The following LIN7A variants were observed in gnomAD, a reference collection of about 807,000 sequenced individuals.
The protein encoded by LIN7A is protein lin-7 homolog A.
In LIN7A, 25 loss-of-function variants were observed where a neutral mutation model predicts 29.8. The ratio of observed to expected loss-of-function variants is 0.84; its 90% CI spans 0.61 to 1.17. LIN7A has a LOEUF of 1.17. LIN7A is among the 50% of genes most tolerant of loss of function. The pLI, the probability that LIN7A is intolerant of heterozygous loss-of-function variation, is 0.00. For synonymous variants in LIN7A, 118 were observed against 107.5 expected, an observed-to-expected ratio of 1.10 and a Z score of -0.60; for missense variants, 239 against 287.0, an observed-to-expected ratio of 0.83 and a Z score of 1.21.
chr12:80,814,086 T>C (rs1871420758), intron 4 of LIN7A, among the ~76,000 whole-genome samples: 1 of 152,188 alleles, frequency 6.6e-6, no homozygotes, highest in African/African-American at 2.4e-5. Flanking sequence ...CCTTGAATTA[T>C]ACCTTCAGAT....
intron 1 of LIN7A, among the ~76,000 whole-genome samples, chr12:80,894,968 G>C (rs1228009892): frequency 6.6e-6 from 1 of 152,182 alleles, no homozygotes; most frequent in South Asian, 2.1e-4. Context: ...TCCAAAACCA[G>C]CTGTGTTTGA....
intron 1 of LIN7A, among the ~76,000 whole-genome samples, chr12:80,909,123 C>A (rs1045713410): frequency 3.3e-5 from 5 of 151,586 alleles, no homozygotes; most frequent in African/African-American, 1.2e-4. Context: ...CATTTTTGGC[C>A]CATTTTGAGT....
chr12:80,880,356 T>C (rs1207934759), intron 2 of LIN7A, among the ~76,000 whole-genome samples: 1 of 152,146 alleles, frequency 6.6e-6, no homozygotes, highest in Non-Finnish European at 1.5e-5. Flanking sequence ...ACTTAAAAAA[T>C]AGATAAAATG....
At chr12:80,923,487 C>T (rs1877422493) in intron 1 of LIN7A, among the ~76,000 whole-genome samples, 1 of 152,190 alleles carries the variant, frequency 6.6e-6, no homozygotes, top group South Asian at 2.1e-4. Flanking sequence ...TATTAATAAG[C>T]ACAATCATTT....
intron 4 of LIN7A, among the ~76,000 whole-genome samples, chr12:80,812,177 A>G (rs1383277688): frequency 6.6e-5 from 10 of 152,272 alleles, no homozygotes; most frequent in Non-Finnish European, 1.0e-4. Context: ...AGCTTTATTT[A>G]TTATTAATGT....
intron 4 of LIN7A, among the ~76,000 whole-genome samples, chr12:80,832,959 A>G (rs373652681): frequency 5.3e-5 from 8 of 152,132 alleles, no homozygotes; most frequent in East Asian, 1.9e-4. Flanking sequence ...ACATTCTACA[A>G]TGCACAGAAT....
At chr12:80,861,247 AT>A in intron 2 of LIN7A, 1 of 152,352 alleles carries the variant, frequency 6.6e-6, no homozygotes, top group Non-Finnish European at 1.5e-5. Flanking sequence ...CTGCCTCTTC[AT>A]TTTGTTCCCG....
chr12:80,863,617 A>C (rs1177367302), intron 2 of LIN7A, among the ~76,000 whole-genome samples: 1 of 152,272 alleles, frequency 6.6e-6, no homozygotes, highest in Non-Finnish European at 1.5e-5. Flanking sequence ...AAGAAGACTC[A>C]TAATGACCTC....
intron 1 of LIN7A, among the ~76,000 whole-genome samples, chr12:80,898,866 A>G (rs1473240269): frequency 6.6e-6 from 1 of 152,220 alleles, no homozygotes; most frequent in Admixed American, 6.5e-5. Context: ...GTTGTTTATC[A>G]GATCAAAGAG....
At chr12:80,888,519 A>G (rs945435642) in intron 2 of LIN7A, among the ~76,000 whole-genome samples, 7 of 152,152 alleles carry the variant, frequency 4.6e-5, no homozygotes, top group Admixed American at 3.3e-4. Flanking sequence ...TTCATCACTG[A>G]GGATTTTGGC....
Position 80,889,250 on chromosome 12 carries a change from C to G in LIN7A, c.201+1G>C. On this transcript the variant is annotated splice_donor_variant, in intron 2 of 5. Coordinates refer to ENST00000552864, the MANE Select transcript of LIN7A (RefSeq NM_004664.4). LOFTEE classifies it high-confidence loss of function. ...TAGTTATTAAAATTTTAGTGCCATA[C>G]CTCTCGAATAGCTGTACAAAACTCA... The G allele has an allele frequency of 6.4e-7, 1 of 1,551,904 alleles. No individual in the cohort carries two copies. The highest frequency in any genetic ancestry group is 8.9e-7 in the Non-Finnish European group (1 of 1,123,806).
At chr12:80,831,024 T>C (rs2121527437) in intron 4 of LIN7A, among the ~76,000 whole-genome samples, 1 of 152,340 alleles carries the variant, frequency 6.6e-6, no homozygotes, top group East Asian at 1.9e-4. Flanking sequence ...CTTATTTATT[T>C]TGTTTATTGC....
intron 1 of LIN7A, among the ~76,000 whole-genome samples, chr12:80,899,200 A>AT (rs1876068148): frequency 6.6e-6 from 1 of 152,064 alleles, no homozygotes; most frequent in Non-Finnish European, 1.5e-5. Context: ...GTGATGTTTA[A>AT]TTTTATCAAA....
chr12:80,840,108 G>C (rs1016738145), intron 4 of LIN7A, among the ~76,000 whole-genome samples: 1 of 151,730 alleles, frequency 6.6e-6, no homozygotes, highest in African/African-American at 2.4e-5. Flanking sequence ...TCTCCCATCA[G>C]TACCAGTAAA....
intron 2 of LIN7A, among the ~76,000 whole-genome samples, chr12:80,887,085 C>A (rs1430012266): frequency 6.6e-6 from 1 of 152,074 alleles, no homozygotes; most frequent in African/African-American, 2.4e-5. Context: ...TAACATCATT[C>A]ATTCAATTGT....
chr12:80,792,846 T>G lies in LIN7A; in HGVS notation c.*4881A>C, dbSNP rs1268195186. On this transcript the variant is annotated 3_prime_UTR_variant, in exon 6 of 6. Transcript: ENST00000552864. The stretch of plus-strand genomic sequence containing the variant: ...TGAAATATTTATCACATGTCAGAAA[T>G]TTTCTGGTCTGTACCTTTAACCATG... The G allele has an allele frequency of 6.6e-6, 1 of 152,162 alleles. No individual in the cohort carries two copies. The highest frequency in any genetic ancestry group is 2.4e-5 in the African/African-American group (1 of 41,436). The allele number at this position is 152,162 out of a possible 1,614,324, so 9.4% of individuals were successfully genotyped here.
At chr12:80,823,901 T>G (rs949699640) in intron 4 of LIN7A, among the ~76,000 whole-genome samples, 1 of 152,142 alleles carries the variant, frequency 6.6e-6, no homozygotes, top group Admixed American at 6.5e-5. Flanking sequence ...TTCATAGCAT[T>G]AAATGCCTAC....
intron 1 of LIN7A, among the ~76,000 whole-genome samples, chr12:80,898,580 C>G (rs1190959297): frequency 6.6e-6 from 1 of 151,470 alleles, no homozygotes; most frequent in South Asian, 2.1e-4. Context: ...GGCAGTATGT[C>G]CATTTTAATA....
intron 2 of LIN7A, among the ~76,000 whole-genome samples, chr12:80,882,284 A>ATTATTTTTTTTT: frequency 1.4e-5 from 1 of 71,988 alleles, no homozygotes. Flanking sequence ...TTTTTCTTTC[A>ATTATTTTTTTTT]TTCTTTTTTT....
Sources: allele counts gnomAD v4.1 joint callset (sites outside exome capture counted in the v4.1 genomes callset), GRCh38; gene constraint gnomAD v4.1.1; transcripts MANE v1.5; gene names NCBI Gene and HGNC (gene_info 2026-07-23, HGNC 2026-07-21).